Variants in CACNA2D2 observed in about 807,000 individuals in gnomAD.
CACNA2D2 encodes voltage-dependent calcium channel subunit alpha-2/delta-2.
A neutral mutation model predicts 166.4 loss-of-function variants in CACNA2D2; 48 were observed. That is an observed-to-expected ratio of 0.29 (90% CI 0.23 to 0.37). The LOEUF (loss-of-function observed/expected upper bound fraction) is 0.37. Among genes scored for constraint, CACNA2D2 ranks in the 10% least tolerant of loss-of-function variants. The pLI is 1.00. For missense variants in CACNA2D2, 1,122 were observed against 1,433.0 expected (o/e 0.78, Z 3.50); for synonymous variants, 561 against 573.7 (o/e 0.98, Z 0.32).
chr3:50,477,311 GTTA>G (rs979184460), intron 1 of CACNA2D2, among the ~76,000 whole-genome samples: 4 of 152,184 alleles, frequency 2.6e-5, no homozygotes, highest in Non-Finnish European at 5.9e-5. Context: ...CTTTCAGGGT[GTTA>G]TAAGAACACA....
intron 2 of CACNA2D2, among the ~76,000 whole-genome samples, chr3:50,453,297 C>T (rs1032048772): frequency 2.0e-4 from 31 of 152,238 alleles, no homozygotes; most frequent in Admixed American, 5.2e-4. Context: ...AGCAGCCTCT[C>T]CATCTGTACT....
At chr3:50,391,942 T>A (rs1705911763) in intron 4 of CACNA2D2, among the ~76,000 whole-genome samples, 1 of 152,048 alleles carries the variant, frequency 6.6e-6, no homozygotes, top group Admixed American at 6.5e-5. Context: ...GATCTTAGGG[T>A]TGGGGCTAGA....
chr3:50,414,549 G>A (rs531444944), intron 3 of CACNA2D2, among the ~76,000 whole-genome samples: 17 of 152,072 alleles, frequency 1.1e-4, no homozygotes, highest in African/African-American at 3.9e-4. Context: ...CAGATCCTGG[G>A]AGGGCAGTGG....
chr3:50,390,393 T>A (rs1247063305), intron 4 of CACNA2D2, among the ~76,000 whole-genome samples: 1 of 152,098 alleles, frequency 6.6e-6, no homozygotes, highest in Non-Finnish European at 1.5e-5. Flanking sequence ...GGAGGCCTCC[T>A]CTGAGGGTAT....
At chr3:50,456,704 T>C (rs1709373226) in intron 2 of CACNA2D2, among the ~76,000 whole-genome samples, 1 of 152,172 alleles carries the variant, frequency 6.6e-6, no homozygotes, top group Non-Finnish European at 1.5e-5. Context: ...TGCCCTCCTT[T>C]AGTGCCTAAC....
At chr3:50,449,485 G>C (rs903334019) in intron 2 of CACNA2D2, among the ~76,000 whole-genome samples, 2 of 152,228 alleles carry the variant, frequency 1.3e-5, no homozygotes. Context: ...TGGCTGCGCA[G>C]CCCTGCTGAG....
At position 50,499,947 on chromosome 3, in the gene CACNA2D2, T is replaced by TGAC. The variant is rs1698888603; in HGVS notation, c.206+3268_206+3270dup. ...AGCACCTGGCAGCTCTGCATCTCGG[T>TGAC]GACAGCAGCAGCGGCTGGGAAGCCT... is the stretch of plus-strand genomic sequence containing the variant. On this transcript the variant is annotated intron_variant, in intron 1 of 37. Transcript: ENST00000424201. 3.3e-5 allele frequency among the ~76,000 whole-genome samples: 5 copies of TGAC among 152,154 alleles called. No homozygotes were observed. The South Asian group carries it at 1.0e-3, about 32-fold the overall frequency.
chr3:50,372,986 G>A, intron 22 of CACNA2D2: 1 of 1,199,654 alleles, frequency 8.3e-7, no homozygotes, highest in South Asian at 1.3e-5. Flanking sequence ...GCTGGTCCTG[G>A]GCAGGGAGGG....
intron 1 of CACNA2D2, among the ~76,000 whole-genome samples, 181 bp from the exon 2 acceptor site, chr3:50,476,380 T>G (rs746067736): frequency 6.6e-6 from 1 of 152,174 alleles, no homozygotes; most frequent in Non-Finnish European, 1.5e-5. Context: ...CCAGACCCAG[T>G]GGCCCAGGTG....
intron 1 of CACNA2D2, among the ~76,000 whole-genome samples, chr3:50,478,236 G>T (rs1367842783): frequency 6.6e-6 from 1 of 152,228 alleles, no homozygotes; most frequent in Non-Finnish European, 1.5e-5. Flanking sequence ...GCCTGGGGAG[G>T]GCAAAGGGCA....
chr3:50,426,270 A>G (rs1301164811), intron 3 of CACNA2D2, among the ~76,000 whole-genome samples: 2 of 152,244 alleles, frequency 1.3e-5, no homozygotes, highest in Non-Finnish European at 2.9e-5. Context: ...GGAATCACAC[A>G]AGGCCTAGGG....
chr3:50,363,343 C>A lies in CACNA2D2; in HGVS notation c.*1323G>T. 2.5e-6 allele frequency: 1 copy of A among 398,566 alleles called. No homozygotes were observed. The allele number at this position is 398,566 out of a possible 1,614,324, so 24.7% of individuals were successfully genotyped here. A position where few individuals can be genotyped will look rare whatever the true frequency, so the allele number is the denominator to read the frequency against. ...TAATGCATCACCCTCCCCCTCCTCCCAGTCCATCTGAGCCCCATCACTATA... is the reference window on the plus strand; with the variant it reads ...TAATGCATCACCCTCCCCCTCCTCCAAGTCCATCTGAGCCCCATCACTATA... On this transcript the variant is annotated 3_prime_UTR_variant, in exon 38 of 38. Coordinates refer to ENST00000424201, the MANE Select transcript of CACNA2D2 (RefSeq NM_006030.4).
Position 50,367,625 on chromosome 3 carries a change from T to C in CACNA2D2, c.2297+17A>G. 1.2e-6 allele frequency: 2 copies of C among 1,610,442 alleles called. No homozygotes were observed. Among genetic ancestry groups the C allele is most frequent in the Non-Finnish European group, 8.5e-7 (1 of 1,177,458 alleles). ...CCTGGCAGGGGCAGGGTTTGGGTAG[T>C]GGGATAGGTCACTTACTTGTTGGGG... On this transcript the variant is annotated intron_variant, in intron 26 of 37. Transcript: ENST00000424201. The surrounding 1 kb of genome is among the most constrained non-coding windows in gnomAD (Gnocchi z 6.5).
chr3:50,435,074 C>A (rs1040872568), intron 2 of CACNA2D2, among the ~76,000 whole-genome samples: 4 of 152,110 alleles, frequency 2.6e-5, no homozygotes, highest in Non-Finnish European at 5.9e-5. Context: ...TGAATCTGCC[C>A]AGCCTTCCTC....
chr3:50,424,846 C>A (rs942875281), intron 3 of CACNA2D2, among the ~76,000 whole-genome samples: 6 of 152,122 alleles, frequency 3.9e-5, no homozygotes, highest in Non-Finnish European at 5.9e-5. Context: ...CACCTGGAGC[C>A]AGTGAAACCT....
At chr3:50,431,057 C>T (rs545949113) in intron 3 of CACNA2D2, among the ~76,000 whole-genome samples, 2 of 152,248 alleles carry the variant, frequency 1.3e-5, no homozygotes, top group South Asian at 4.1e-4. Flanking sequence ...TGTTGCTCAG[C>T]TCCCTCTTTG....
intron 2 of CACNA2D2, among the ~76,000 whole-genome samples, chr3:50,462,162 G>A (rs913576348): frequency 6.6e-6 from 1 of 152,066 alleles, no homozygotes; most frequent in Non-Finnish European, 1.5e-5. Context: ...GGCAGGGGAA[G>A]TGGATCACTT....
intron 1 of CACNA2D2, among the ~76,000 whole-genome samples, chr3:50,478,617 T>C (rs568346460): frequency 6.6e-6 from 1 of 152,316 alleles, no homozygotes; most frequent in African/African-American, 2.4e-5. Context: ...GCAAACATTA[T>C]CATCCCACCT....
intron 1 of CACNA2D2, among the ~76,000 whole-genome samples, chr3:50,477,396 C>T (rs932512674): frequency 2.6e-5 from 4 of 152,168 alleles, no homozygotes; most frequent in Admixed American, 6.5e-5. Flanking sequence ...CAGTTGGTCA[C>T]GTGGCCCTCT....
Sources: gnomAD v4.1 joint callset for allele counts (sites outside exome capture counted in the v4.1 genomes callset) on GRCh38, gnomAD v4.1.1 for gene constraint, Gnocchi (gnomAD v3.1) non-coding constraint, MANE v1.5 for transcripts, NCBI Gene and HGNC (gene_info 2026-07-23, HGNC 2026-07-21) for gene names.